SP6: variants seen among roughly 807,000 people sequenced by gnomAD.
The protein encoded by SP6 is transcription factor Sp6.
SP6 carries 10 observed loss-of-function variants against 23.4 expected under a neutral mutation model. The observed-to-expected ratio is 0.43, with a 90% CI of 0.26 to 0.72. The LOEUF is 0.72. Among genes scored for constraint, SP6 ranks in the 30% least tolerant of loss-of-function variants. The probability of loss-of-function intolerance (pLI) is 0.23; values close to 1 mark genes in which losing one functional copy is unlikely to be tolerated. For synonymous variants in SP6, 238 were observed against 238.7 expected (o/e 1.00, Z 0.03); for missense variants, 482 against 523.8 (o/e 0.92, Z 0.78).
the SP6 span, among the ~76,000 whole-genome samples, chr17:47,866,043 T>C: frequency 1.3e-5 from 2 of 152,050 alleles, no homozygotes; most frequent in African/African-American, 4.8e-5. Flanking sequence ...TCTTACCAAT[T>C]TTTCATCATC....
Position 47,848,082 on chromosome 17 carries a change from C to G in SP6, c.348G>C (p.Glu116Asp), listed in dbSNP as rs746667709. The part of the protein sequence containing the change: ...SWFRPTHPGA[E>D]DGSWWDLHPG... ...GATGAAGGTCCCACCACGAGCCATCCTCCGCGCCTGGGTGAGTCGGCCTGA... is the reference window on the plus strand; with the variant it reads ...GATGAAGGTCCCACCACGAGCCATCGTCCGCGCCTGGGTGAGTCGGCCTGA... Residue 116 changes from glutamate (E) to aspartate (D), a missense_variant, in exon 2 of 2, where the codon GAG (glutamate) becomes GAC (aspartate). Transcript: ENST00000536300. This position sits in a 1 kb window ranked among gnomAD's most constrained non-coding sequence, Gnocchi z 5.3. The G allele has an allele frequency of 7.4e-6, 12 of 1,613,384 alleles. No homozygotes were observed. In the South Asian group the frequency reaches 1.2e-4, roughly 16 times the overall value.
upstream of SP6, among the ~76,000 whole-genome samples, chr17:47,857,922 C>T (rs35781796): frequency 0.074 from 11,142 of 150,562 alleles, 1,356 homozygotes; most frequent in African/African-American, 0.26. Context: ...CTGGCCCCCA[C>T]ACGAGCCACC....
the SP6 span, among the ~76,000 whole-genome samples, chr17:47,872,783 G>A: frequency 6.6e-6 from 1 of 151,104 alleles, no homozygotes; most frequent in Admixed American, 6.6e-5. Flanking sequence ...ACCCTTAGAG[G>A]AGGTCCCTGT....
upstream of SP6, among the ~76,000 whole-genome samples, chr17:47,854,438 G>A (rs1253316254): frequency 6.6e-6 from 1 of 152,226 alleles, no homozygotes; most frequent in Admixed American, 6.5e-5. Flanking sequence ...AAGAAACTGA[G>A]TTCAGATCTC....
chr17:47,860,200 A>G (rs537497267), upstream of SP6, among the ~76,000 whole-genome samples: 7 of 152,040 alleles, frequency 4.6e-5, no homozygotes, highest in Non-Finnish European at 8.8e-5. Context: ...ACACTGTTCC[A>G]TGTGTGAAAT....
At chr17:47,862,507 C>CAAA in the SP6 span, among the ~76,000 whole-genome samples, 1,691 of 85,984 alleles carry the variant, frequency 0.02, 89 homozygotes, top group African/African-American at 0.091. Flanking sequence ...GACTTTGTCT[C>CAAA]AAAAAAAAAA....
chr17:47,875,141 G>C, the SP6 span, among the ~76,000 whole-genome samples: 1 of 152,078 alleles, frequency 6.6e-6, no homozygotes, highest in Admixed American at 6.5e-5. Flanking sequence ...TCTTCTCCCA[G>C]CTTCTTACCA....
rs2033891634 is a variant in SP6 at position 47,846,925 on chromosome 17, C to T, written c.*374G>A. ...CGTGTCCAGACAGCCACCACCAGCG[C>T]CCCGGGCCGGCCCCACTTCTCTCTG... is the stretch of plus-strand genomic sequence containing the variant. On this transcript the variant is annotated 3_prime_UTR_variant, in exon 2 of 2. Transcript: ENST00000536300. The T allele has an allele frequency of 4.8e-6, 1 of 207,558 alleles. No homozygotes were observed. The highest frequency in any genetic ancestry group is 9.6e-6 in the Non-Finnish European group (1 of 104,652). 12.9% of individuals were successfully genotyped at this position (207,558 alleles called of 1,614,324 possible).
At chr17:47,871,499 C>T in the SP6 span, among the ~76,000 whole-genome samples, 1 of 152,138 alleles carries the variant, frequency 6.6e-6, no homozygotes, top group Non-Finnish European at 1.5e-5. Flanking sequence ...GGTCTTCTTT[C>T]GTCTCCACTT....
chr17:47,875,087 C>A, the SP6 span, among the ~76,000 whole-genome samples: 1 of 126,242 alleles, frequency 7.9e-6, no homozygotes, highest in East Asian at 3.4e-4. Context: ...CACCCGGCTT[C>A]TTCTCTTCTC....
chr17:47,858,065 A>G (rs2034011099), upstream of SP6, among the ~76,000 whole-genome samples: 1 of 151,350 alleles, frequency 6.6e-6, no homozygotes, highest in Non-Finnish European at 1.5e-5. Context: ...GCCTGGGCCT[A>G]TTTCCTCTGC....
At chr17:47,853,805 T>A (rs144478596), upstream of SP6, among the ~76,000 whole-genome samples, 14 of 152,312 alleles carry the variant, frequency 9.2e-5, no homozygotes, top group Non-Finnish European at 1.8e-4. Context: ...CTCTGGAAAC[T>A]CCCAGCCATT....
At chr17:47,868,384 C>G in the SP6 span, among the ~76,000 whole-genome samples, 3 of 152,330 alleles carry the variant, frequency 2.0e-5, no homozygotes, top group South Asian at 2.1e-4. Flanking sequence ...AAGCAGCACT[C>G]GAAGTGCTGG....
At chr17:47,861,599 G>A in the SP6 span, among the ~76,000 whole-genome samples, 9 of 152,158 alleles carry the variant, frequency 5.9e-5, 1 homozygote, top group South Asian at 4.1e-4. Context: ...CAGGCATGGC[G>A]GTGCGCGCCT....
chr17:47,847,470 G>A lies in SP6; in HGVS notation c.960C>T (p.Ser320=). ...GGTGGTCGCTGCGCATGAAGACGCG[G>A]CTGCAGACTGCACAGGGGAACTTCT... ...GTKKFPCAVC[S]RVFMRSDHLA... The change falls in exon 2 of 2, where the codon AGC becomes AGT. Residue 320 remains serine, a synonymous_variant. Coordinates refer to ENST00000536300, the MANE Select transcript of SP6 (RefSeq NM_001258248.2). 3.1e-6 allele frequency: 5 copies of A among 1,613,764 alleles called. No individual in the cohort carries two copies. The highest frequency in any genetic ancestry group is 4.2e-6 in the Non-Finnish European group (5 of 1,179,932).
rs2033911789 is a variant in SP6 at position 47,847,997 on chromosome 17, G to C, written c.433C>G (p.Pro145Ala). 1.2e-6 allele frequency: 2 copies of C among 1,600,774 alleles called. No individual in the cohort carries two copies. Among genetic ancestry groups the C allele is most frequent in the African/African-American group, 1.3e-5 (1 of 74,696 alleles). ...TQGALTSPGHPGALQAGLGGY... is the reference protein window; with the variant it reads ...TQGALTSPGHAGALQAGLGGY... ...CCCAAGCCCGCCTGAAGCGCCCCCG[G>C]GTGGCCAGGTGAGGTCAGCGCGCCC... Residue 145 changes from proline to alanine, a missense_variant, in exon 2 of 2, where the codon CCG becomes GCG. Transcript: ENST00000536300.
the SP6 span, among the ~76,000 whole-genome samples, chr17:47,867,005 T>C: frequency 6.6e-6 from 1 of 151,882 alleles, no homozygotes; most frequent in South Asian, 2.1e-4. Context: ...TGAGAATCTG[T>C]GGTGGGAATG....
Position 47,846,418 on chromosome 17 carries a change from G to A in SP6, c.*881C>T, listed in dbSNP as rs967436895. 12 of 152,140 alleles carry A rather than the reference G, an allele frequency of 7.9e-5. No homozygotes were observed. Among genetic ancestry groups the A allele is most frequent in the African/African-American group, 2.4e-4 (10 of 41,378 alleles). The allele number at this position is 152,140 out of a possible 1,614,324, so 9.4% of individuals were successfully genotyped here. A position where few individuals can be genotyped will look rare whatever the true frequency, so the allele number is the denominator to read the frequency against. ...CTGGCTGCCTTGAAAACACACCTAG[G>A]GTAATAGATGGGGAATGTGAGACTA... On this transcript the variant is annotated 3_prime_UTR_variant, in exon 2 of 2. Coordinates refer to ENST00000536300, the MANE Select transcript of SP6 (RefSeq NM_001258248.2).
In SP6 at chr17:47,848,183, T is replaced by A; in HGVS notation, c.247A>T (p.Ser83Cys). Residue 83 changes from serine (S) to cysteine (C), a missense_variant, in exon 2 of 2, where the codon AGC (serine) becomes TGC (cysteine). Coordinates refer to ENST00000536300, the MANE Select transcript of SP6 (RefSeq NM_001258248.2). The surrounding 1 kb of genome is among the most constrained non-coding windows in gnomAD (Gnocchi z 5.3). Reference sequence around the variant, plus strand: ...GGGCCCGGGGCCAAGGGACTGTCGCTTTCCAGGTCCTCGCAGGTTACCCGC... The same window carrying A: ...GGGCCCGGGGCCAAGGGACTGTCGCATTCCAGGTCCTCGCAGGTTACCCGC... ...SSRVTCEDLE[S>C]DSPLAPGPFS... 6.2e-7 allele frequency: 1 copy of A among 1,613,228 alleles called. No individual in the cohort carries two copies. The highest frequency in any genetic ancestry group is 8.5e-7 in the Non-Finnish European group (1 of 1,179,964).
Sources: allele counts gnomAD v4.1 joint callset (sites outside exome capture counted in the v4.1 genomes callset), GRCh38; gene constraint gnomAD v4.1.1; non-coding constraint Gnocchi (gnomAD v3.1); transcripts MANE v1.5; gene names NCBI Gene and HGNC (gene_info 2026-07-23, HGNC 2026-07-21).